The following C5orf34 variants were observed in gnomAD, a reference collection of about 807,000 sequenced individuals.
C5orf34 encodes chromosome 5 open reading frame 34.
A neutral mutation model predicts 78.4 loss-of-function variants in C5orf34; 73 were observed. The observed-to-expected ratio is 0.93, with a 90% CI of 0.77 to 1.13. C5orf34 has a LOEUF of 1.13. Ranked by LOEUF, C5orf34 falls within the 50% of genes most tolerant of loss-of-function variation. C5orf34 has a pLI of 0.00. For missense variants in C5orf34, 730 were observed against 732.7 expected, an observed-to-expected ratio of 1.00 and a Z score of 0.04; for synonymous variants, 251 against 246.6, an observed-to-expected ratio of 1.02 and a Z score of -0.17.
In C5orf34 at chr5:43,493,550, C is replaced by T. The variant is rs142002114; in HGVS notation, c.1307G>A (p.Trp436Ter). ...AAAATAATTTTAACATACCATTTTC[C>T]AGCAGCATATACGATAGTTATGGCT... ...SLSHNYRICC[W>*]KMVPGINDSN... Residue 436 changes from tryptophan to a stop codon, truncating the protein, a stop_gained, in exon 8 of 13, where the codon TGG becomes TAG. Transcript: ENST00000306862. LOFTEE classifies it high-confidence loss of function. 1.9e-6 allele frequency: 3 copies of T among 1,542,530 alleles called. No individual in the cohort carries two copies. Among genetic ancestry groups the T allele is most frequent in the South Asian group, 1.2e-5 (1 of 85,666 alleles).
At chr5:43,512,554 A>C (rs1579888394) in intron 1 of C5orf34, among the ~76,000 whole-genome samples, 1 of 152,128 alleles carries the variant, frequency 6.6e-6, no homozygotes, top group African/African-American at 2.4e-5. Context: ...CATTGTCTAC[A>C]TTCCCTTGCA....
chr5:43,502,530 C>G lies in C5orf34; in HGVS notation c.1029-35G>C, dbSNP rs111824167. On this transcript the variant is annotated intron_variant, in intron 5 of 12. Transcript: ENST00000306862. ...AGAAATAACCATTAAAAATTTTTTT[C>G]CACTTGAGATTAAAACATGCATGAA... 43 of 1,344,878 alleles carry G rather than the reference C, an allele frequency of 3.2e-5. No homozygotes were observed. In the African/African-American group the frequency reaches 3.2e-4, roughly 10 times the overall value. 83.3% of individuals were successfully genotyped at this position (1,344,878 alleles called of 1,614,324 possible).
intron 6 of C5orf34, among the ~76,000 whole-genome samples, chr5:43,500,136 G>A (rs1478598054): frequency 6.6e-6 from 1 of 152,072 alleles, no homozygotes; most frequent in Non-Finnish European, 1.5e-5. Context: ...TTTAGTTATT[G>A]GCAATTTGGT....
At position 43,506,092 on chromosome 5, in the gene C5orf34, A is replaced by G. The variant is rs1745973553; in HGVS notation, c.588T>C (p.Asn196=). ...LPGQRLKNKE[N]EFHCQIMKSK... is the part of the protein sequence containing the mutation. ...ATTTCATGATCTGGCAATGAAACTC[A>G]TTTTCTTTATTCTTCAGTCTCTGTC... Residue 196 remains asparagine, a synonymous_variant, in exon 4 of 13, where the codon AAT becomes AAC. Transcript: ENST00000306862. 6.2e-7 allele frequency: 1 copy of G among 1,614,036 alleles called. No homozygotes were observed. Among genetic ancestry groups the G allele is most frequent in the Non-Finnish European group, 8.5e-7 (1 of 1,180,014 alleles).
chr5:43,509,931 A>G (rs562637432), intron 1 of C5orf34, among the ~76,000 whole-genome samples: 1 of 151,930 alleles, frequency 6.6e-6, no homozygotes, highest in East Asian at 1.9e-4. Flanking sequence ...AATTTTTGTA[A>G]TTTAGTAGAG....
chr5:43,492,153 G>T, intron 10 of C5orf34, 62 bp downstream of exon 10: 1 of 1,078,996 alleles, frequency 9.3e-7, no homozygotes, highest in Non-Finnish European at 1.4e-6. Context: ...AATGCTTATT[G>T]CTTATTCTCT....
chr5:43,505,103 A>G (rs1745923030), intron 4 of C5orf34, among the ~76,000 whole-genome samples: 1 of 152,218 alleles, frequency 6.6e-6, no homozygotes, highest in African/African-American at 2.4e-5. Flanking sequence ...CCTGGCACAT[A>G]AGTGTTTTGT....
At chr5:43,489,958 T>A (rs1228703279) in intron 11 of C5orf34, among the ~76,000 whole-genome samples, 1 of 152,086 alleles carries the variant, frequency 6.6e-6, no homozygotes, top group African/African-American at 2.4e-5. Flanking sequence ...AGGTCTGAAC[T>A]CCTATTTATT....
intron 1 of C5orf34, among the ~76,000 whole-genome samples, chr5:43,512,166 A>G (rs1297824751): frequency 6.6e-6 from 1 of 152,212 alleles, no homozygotes; most frequent in Admixed American, 6.5e-5. Flanking sequence ...GAAAACAAAT[A>G]TGACAGTGAC....
chr5:43,514,484 C>T (rs36013953), intron 1 of C5orf34, among the ~76,000 whole-genome samples: 5 of 151,880 alleles, frequency 3.3e-5, no homozygotes, highest in African/African-American at 4.8e-5. Flanking sequence ...TTGGTCAGGT[C>T]TTTTTTTTAA....
chr5:43,489,700 C>T (rs944105869), intron 11 of C5orf34, among the ~76,000 whole-genome samples: 5 of 152,082 alleles, frequency 3.3e-5, no homozygotes, highest in East Asian at 3.8e-4. Context: ...ATTCAAATAA[C>T]GCTTACTGAT....
chr5:43,495,346 C>T, intron 6 of C5orf34: 2 of 1,611,852 alleles, frequency 1.2e-6, no homozygotes, highest in South Asian at 1.1e-5. Context: ...GCTCAGCAAA[C>T]TTGCATGCAA....
At chr5:43,489,918 T>G (rs1302013327) in intron 11 of C5orf34, among the ~76,000 whole-genome samples, 1 of 152,118 alleles carries the variant, frequency 6.6e-6, no homozygotes, top group Non-Finnish European at 1.5e-5. Flanking sequence ...CTTCCTATCA[T>G]TTTTCCATTT....
Position 43,494,614 on chromosome 5 carries a change from T to G in C5orf34, c.1153-13A>C. On this transcript the variant is annotated splice_polypyrimidine_tract_variant and intron_variant, in intron 6 of 12. Coordinates refer to ENST00000306862, the MANE Select transcript of C5orf34 (RefSeq NM_198566.4). ...TTTTCTCTTCTCTCTGAAAATTAGT[T>G]AAAATGAAAAATTTCATTAATAATA... The G allele has an allele frequency of 6.5e-7, 1 of 1,530,860 alleles. No homozygotes were observed. Among genetic ancestry groups the G allele is most frequent in the South Asian group, 1.2e-5 (1 of 82,818 alleles). 94.8% of individuals were successfully genotyped at this position (1,530,860 alleles called of 1,614,324 possible).
intron 1 of C5orf34, among the ~76,000 whole-genome samples, chr5:43,512,614 GTTT>G (rs768969585): frequency 4.6e-5 from 7 of 152,134 alleles, no homozygotes; most frequent in African/African-American, 7.2e-5. Context: ...GGCTGCCACA[GTTT>G]TCTTCTTCAC....
rs138261361 is a variant in C5orf34 at position 43,506,205 on chromosome 5, C to A, written c.475G>T (p.Ala159Ser). 6.2e-7 allele frequency: 1 copy of A among 1,614,152 alleles called. No homozygotes were observed. Among genetic ancestry groups the A allele is most frequent in the Non-Finnish European group, 8.5e-7 (1 of 1,180,026 alleles). ...TTATTATTTGTTTCTGACAACACTG[C>A]AGATGAGTCTGACTTCTGGCTAACT... is the stretch of plus-strand genomic sequence containing the variant. ...CKVSQKSDSSAVLSETNNKAP... is the reference protein window; with the variant it reads ...CKVSQKSDSSSVLSETNNKAP... Residue 159 changes from alanine (A) to serine (S), a missense_variant, in exon 4 of 13, where the codon GCA becomes TCA. Physicochemically the swap from Ala to Ser is moderately conservative, Grantham distance 99 (BLOSUM62 1). Coordinates refer to ENST00000306862, the MANE Select transcript of C5orf34 (RefSeq NM_198566.4).
In C5orf34 at chr5:43,487,072, T is replaced by C; in HGVS notation, c.1760A>G (p.Asn587Ser). 2 of 1,565,644 alleles carry C rather than the reference T, an allele frequency of 1.3e-6. No homozygotes were observed. The highest frequency in any genetic ancestry group is 1.7e-6 in the Non-Finnish European group (2 of 1,159,226). Reference protein sequence around the residue: ...ENSGILNQISNKKNEQQSFDH... With the variant: ...ENSGILNQISSKKNEQQSFDH... Reference sequence around the variant, plus strand: ...AAAAGACTGTTGTTCATTTTTCTTGTTAGAAATCTGGTTTAGGATACCACT... The same window carrying C: ...AAAAGACTGTTGTTCATTTTTCTTGCTAGAAATCTGGTTTAGGATACCACT... Residue 587 changes from asparagine to serine, a missense_variant, in exon 13 of 13, where the codon AAC becomes AGC. Transcript: ENST00000306862.
Position 43,494,590 on chromosome 5 carries a change from TTTCTC to T in C5orf34, c.1159_1163del (p.Glu387AsnfsTer6), listed in dbSNP as rs1443631887. The T allele has an allele frequency of 1.3e-6, 2 of 1,592,400 alleles. No homozygotes were observed. The highest frequency in any genetic ancestry group is 1.7e-6 in the Non-Finnish European group (2 of 1,165,780). On this transcript the variant is annotated frameshift_variant, in exon 7 of 13. Transcript: ENST00000306862. LOFTEE classifies it high-confidence loss of function. Reference sequence around the variant, plus strand: ...GAGGAAGGTTATTTACTGAGTAAGTTTTCTCTTCTCTCTGAAAATTAGTTAAAATG... The same window carrying T: ...GAGGAAGGTTATTTACTGAGTAAGTTTTCTCTCTGAAAATTAGTTAAAATG...
chr5:43,503,821 T>C (rs1178890462), intron 4 of C5orf34, 61 bp from the exon 5 acceptor site: 1 of 1,096,722 alleles, frequency 9.1e-7, no homozygotes, highest in African/African-American at 1.5e-5. Context: ...TCTTTAGAAG[T>C]CAACAAAATG....
Sources: allele counts gnomAD v4.1 joint callset (sites outside exome capture counted in the v4.1 genomes callset), GRCh38; gene constraint gnomAD v4.1.1; transcripts MANE v1.5; gene names NCBI Gene and HGNC (gene_info 2026-07-23, HGNC 2026-07-21).